Variants in PIAS2 observed in about 807,000 individuals in gnomAD.
The protein encoded by PIAS2 is E3 SUMO-protein ligase PIAS2.
PIAS2 carries 19 observed loss-of-function variants against 69.7 expected under a neutral mutation model. That is an observed-to-expected ratio of 0.27 (90% confidence interval 0.19 to 0.40). The LOEUF is 0.40. PIAS2 is among the 10% of genes least tolerant of loss of function. The probability of loss-of-function intolerance (pLI) is 1.00; values close to 1 mark genes in which losing one functional copy is unlikely to be tolerated. For missense variants in PIAS2, 624 were observed against 757.0 expected, an observed-to-expected ratio of 0.82 and a Z score of 2.06; for synonymous variants, 261 against 263.2, an observed-to-expected ratio of 0.99 and a Z score of 0.08.
chr18:46,899,400 G>A (rs2055424070), intron 1 of PIAS2, among the ~76,000 whole-genome samples: 1 of 152,200 alleles, frequency 6.6e-6, no homozygotes, highest in Non-Finnish European at 1.5e-5. Flanking sequence ...GACAAAGGCA[G>A]GCCTAACACA....
chr18:46,812,460 G>A lies in PIAS2; in HGVS notation c.1839C>T (p.Asn613=), dbSNP rs1218821163. 1 of 1,611,736 alleles carries A rather than the reference G, an allele frequency of 6.2e-7. No individual in the cohort carries two copies. Among genetic ancestry groups the A allele is most frequent in the South Asian group, 1.1e-5 (1 of 90,816 alleles). The change falls in exon 14 of 14, where the codon AAC becomes AAT. Residue 613 remains asparagine (N), a synonymous_variant. Coordinates refer to ENST00000585916, the MANE Select transcript of PIAS2 (RefSeq NM_004671.5). Reference sequence around the variant, plus strand: ...AGTCCAATGAGATGATGTCAGGAATGTTACTTCCACTGCTGGTTATGACCC... The same window carrying A: ...AGTCCAATGAGATGATGTCAGGAATATTACTTCCACTGCTGGTTATGACCC... ...ETGVITSSGS[N]IPDIISLD
intron 1 of PIAS2, among the ~76,000 whole-genome samples, chr18:46,906,587 T>C (rs1364683442): frequency 6.6e-6 from 1 of 152,168 alleles, no homozygotes; most frequent in Non-Finnish European, 1.5e-5. Context: ...TCTAACAAAA[T>C]ATTTGCAATA....
rs372729125 is a variant in PIAS2, at chr18:46,907,033, AAAG to A, written c.24+10286_24+10288del. ...AGGACCTGAGACACCAAGACTCTGA[AAAG>A]AAGGAGAGCCTGCAAAGCTGAGTCT... On this transcript the variant is annotated intron_variant, in intron 1 of 13. Coordinates refer to ENST00000585916, the MANE Select transcript of PIAS2 (RefSeq NM_004671.5). Among the ~76,000 whole-genome samples, 87 of 152,312 alleles carry A rather than the reference AAAG, an allele frequency of 5.7e-4. 1 individual carries two copies. In the East Asian group the frequency reaches 0.015, roughly 27 times the overall value.
chr18:46,875,970 C>G (rs1246655204), intron 2 of PIAS2, among the ~76,000 whole-genome samples: 1 of 152,172 alleles, frequency 6.6e-6, no homozygotes, highest in South Asian at 2.1e-4. Flanking sequence ...CTGAGGGCCA[C>G]GTCAATTTTA....
chr18:46,844,224 A>C (rs2045841736), intron 7 of PIAS2, 97 bp from the exon 8 acceptor site: 1 of 486,670 alleles, frequency 2.1e-6, no homozygotes, highest in Non-Finnish European at 3.6e-6. Context: ...AAAATGTTAC[A>C]TATTAATGTA....
intron 2 of PIAS2, among the ~76,000 whole-genome samples, chr18:46,873,526 C>T (rs926948022): frequency 4.6e-5 from 7 of 152,054 alleles, no homozygotes; most frequent in Non-Finnish European, 8.8e-5. Flanking sequence ...AATTGGTTGG[C>T]CCAAACATGT....
At chr18:46,855,787 A>C (rs1201660473) in intron 3 of PIAS2, among the ~76,000 whole-genome samples, 172 bp from the exon 4 acceptor site, 2 of 152,190 alleles carry the variant, frequency 1.3e-5, no homozygotes, top group Non-Finnish European at 2.9e-5. Flanking sequence ...AATGATGATA[A>C]ACCTGACTTG....
At chr18:46,909,238 G>C (rs1203488658) in intron 1 of PIAS2, among the ~76,000 whole-genome samples, 1 of 152,100 alleles carries the variant, frequency 6.6e-6, no homozygotes, top group Non-Finnish European at 1.5e-5. Context: ...AAAACTAAAA[G>C]GTGGTATTTT....
chr18:46,880,028 T>C (rs779872665), intron 2 of PIAS2, among the ~76,000 whole-genome samples: 6 of 149,160 alleles, frequency 4.0e-5, no homozygotes, highest in Non-Finnish European at 7.4e-5. Context: ...GTTCCAACAA[T>C]ATTAATATAC....
intron 5 of PIAS2, among the ~76,000 whole-genome samples, chr18:46,847,389 T>C (rs1014219841): frequency 1.3e-5 from 2 of 152,168 alleles, no homozygotes; most frequent in African/African-American, 4.8e-5. Context: ...CAAATAAGGA[T>C]AATCAACATT....
At position 46,820,923 on chromosome 18, in the gene PIAS2, C is replaced by T. The variant is rs764130832; in HGVS notation, c.1648+10G>A. ...TTAAAAAACAAAAGAAACAAAAACA[C>T]TCCACATACCTGGCAAATCTGATGA... is the stretch of plus-strand genomic sequence containing the variant. On this transcript the variant is annotated intron_variant, in intron 12 of 13. Coordinates refer to ENST00000585916, the MANE Select transcript of PIAS2 (RefSeq NM_004671.5). 6.3e-6 allele frequency: 10 copies of T among 1,599,464 alleles called. No homozygotes were observed. Among genetic ancestry groups the T allele is most frequent in the East Asian group, 4.5e-5 (2 of 44,440 alleles).
At chr18:46,915,932 G>A (rs1374606619) in intron 1 of PIAS2, among the ~76,000 whole-genome samples, 1 of 152,148 alleles carries the variant, frequency 6.6e-6, no homozygotes, top group African/African-American at 2.4e-5. Flanking sequence ...TTACAGAGGT[G>A]AGGTTCAGGG....
intron 1 of PIAS2, among the ~76,000 whole-genome samples, chr18:46,913,541 G>A (rs2057484488): frequency 6.9e-6 from 1 of 144,588 alleles, no homozygotes; most frequent in African/African-American, 2.6e-5. Flanking sequence ...AGGGGATGAA[G>A]AATACAGAAG....
chr18:46,895,240 C>T (rs184629042), intron 1 of PIAS2, among the ~76,000 whole-genome samples: 2 of 152,148 alleles, frequency 1.3e-5, no homozygotes, highest in Admixed American at 1.3e-4. Flanking sequence ...GGTTAGAAAT[C>T]ATGGTAAAGG....
chr18:46,818,466 C>T (rs2041807052), intron 12 of PIAS2: 1 of 1,556,876 alleles, frequency 6.4e-7, no homozygotes, highest in South Asian at 1.2e-5. Flanking sequence ...TCAGAAGATT[C>T]ATGTTTATGA....
Position 46,807,254 on chromosome 18 carries a change from C to T in PIAS2, c.*5179G>A, listed in dbSNP as rs2040728936. On this transcript the variant is annotated 3_prime_UTR_variant, in exon 14 of 14. Coordinates refer to ENST00000585916, the MANE Select transcript of PIAS2 (RefSeq NM_004671.5). ...AAACTTTTGAACTAAAGATGGAAAA[C>T]GTAGTCTGACAAAGAATATTTGTGC... 2 of 148,092 alleles carry T rather than the reference C, an allele frequency of 1.4e-5. No homozygotes were observed. The allele number at this position is 148,092 out of a possible 1,614,324, so 9.2% of individuals were successfully genotyped here. A position where few individuals can be genotyped will look rare whatever the true frequency, so the allele number is the denominator to read the frequency against.
At chr18:46,888,881 C>T (rs971420080) in intron 2 of PIAS2, among the ~76,000 whole-genome samples, 11 of 152,144 alleles carry the variant, frequency 7.2e-5, no homozygotes, top group East Asian at 1.9e-4. Context: ...GGTGCTAGTC[C>T]ACGGCCTGAG....
At chr18:46,820,751 G>A (rs2042081214) in intron 12 of PIAS2, among the ~76,000 whole-genome samples, 182 bp downstream of exon 12, 1 of 152,198 alleles carries the variant, frequency 6.6e-6, no homozygotes, top group Non-Finnish European at 1.5e-5. Flanking sequence ...TCTATAGATT[G>A]CTCTGTAGTT....
intron 1 of PIAS2, 121 bp from the exon 2 acceptor site, chr18:46,891,175 A>G: frequency 1.4e-6 from 1 of 708,036 alleles, no homozygotes; most frequent in Non-Finnish European, 2.4e-6. Flanking sequence ...TGCTAGTAAC[A>G]GCATTTCACA....
Sources: allele counts gnomAD v4.1 joint callset (sites outside exome capture counted in the v4.1 genomes callset), GRCh38; gene constraint gnomAD v4.1.1; transcripts MANE v1.5; gene names NCBI Gene and HGNC (gene_info 2026-07-23, HGNC 2026-07-21).